Variants in PHF19 observed in about 807,000 individuals in gnomAD.
The protein encoded by PHF19 is PHD finger protein 19.
Under a neutral mutation model 79.8 loss-of-function variants are expected in PHF19, and 21 were observed. The observed-to-expected ratio is 0.26, with a 90% confidence interval of 0.19 to 0.38. The LOEUF (loss-of-function observed/expected upper bound fraction) is 0.38. Ranked by LOEUF, PHF19 falls within the 10% of genes least tolerant of loss-of-function variation. PHF19 has a pLI of 1.00. For missense variants in PHF19, 445 were observed against 744.2 expected (o/e 0.60, Z 4.68); for synonymous variants, 273 against 296.3 (o/e 0.92, Z 0.81).
chr9:120,861,223 T>A, intron 12 of PHF19, 49 bp from the exon 13 acceptor site: 1 of 1,066,554 alleles, frequency 9.4e-7, no homozygotes, highest in Non-Finnish European at 1.5e-6. Context: ...GAGTATCAAA[T>A]CCACCTCCCA....
chr9:120,902,980 G>C, the PHF19 span: 1 of 152,230 alleles, frequency 6.6e-6, no homozygotes, highest in African/African-American at 2.4e-5. Flanking sequence ...GCAATCAAAA[G>C]TGTAGAGTAA....
the PHF19 span, chr9:120,902,578 G>A: frequency 6.6e-6 from 1 of 151,742 alleles, no homozygotes; most frequent in African/African-American, 2.4e-5. Flanking sequence ...TGACCCTTCT[G>A]ACTCCCTCCC....
intron 10 of PHF19, 140 bp downstream of exon 10, chr9:120,863,909 G>T: frequency 1.3e-6 from 1 of 745,704 alleles, no homozygotes; most frequent in Non-Finnish European, 2.3e-6. Flanking sequence ...GTACCCCCTG[G>T]ATCTCGGAGA....
chr9:120,865,044 C>T (rs2045658495), intron 9 of PHF19, among the ~76,000 whole-genome samples: 1 of 152,092 alleles, frequency 6.6e-6, no homozygotes, highest in Non-Finnish European at 1.5e-5. Flanking sequence ...TTATCAAATA[C>T]TGTAAATGAA....
intron 1 of PHF19, among the ~76,000 whole-genome samples, chr9:120,892,976 G>A (rs912651072): frequency 3.3e-5 from 5 of 152,158 alleles, no homozygotes; most frequent in African/African-American, 7.2e-5. Context: ...ATTTCCTAGC[G>A]ACTGGGACCT....
Position 120,860,406 on chromosome 9 carries a change from G to T in PHF19, c.1305-221C>A. 1 of 527,366 alleles carries T rather than the reference G, an allele frequency of 1.9e-6. No individual in the cohort carries two copies. Among genetic ancestry groups the T allele is most frequent in the Non-Finnish European group, 3.5e-6 (1 of 289,696 alleles). The allele number at this position is 527,366 out of a possible 1,614,324, so 32.7% of individuals were successfully genotyped here. A position where few individuals can be genotyped will look rare whatever the true frequency, so the allele number is the denominator to read the frequency against. On this transcript the variant is annotated intron_variant, in intron 13 of 14. Coordinates refer to ENST00000373896, the MANE Select transcript of PHF19 (RefSeq NM_015651.3). The surrounding 1 kb of genome is among the most constrained non-coding windows in gnomAD (Gnocchi z 4.1). The stretch of plus-strand genomic sequence containing the variant: ...TGGAGCACCCTCCCCTGGCGGTGAC[G>T]TAAGCACTGGTGTCAATAACTCGAG...
At chr9:120,884,673 T>C (rs889523180) in intron 1 of PHF19, among the ~76,000 whole-genome samples, 8 of 150,746 alleles carry the variant, frequency 5.3e-5, no homozygotes, top group Non-Finnish European at 1.2e-4. Context: ...TTTGGGAGGC[T>C]GAGGTGGGCG....
chr9:120,882,945 G>A (rs2046209365), intron 1 of PHF19, among the ~76,000 whole-genome samples: 1 of 152,104 alleles, frequency 6.6e-6, no homozygotes, highest in Non-Finnish European at 1.5e-5. Context: ...TATTATGCAG[G>A]TGACCAGTTA....
chr9:120,876,678 A>AG lies in PHF19; in HGVS notation c.-16+412dup, dbSNP rs370341268. ...TGGCTTTTTAAAAAGGATGTTCAGGAGGGGGGAAAAAGCTTGCAGAAGCAC... is the reference window on the plus strand; with the variant it reads ...TGGCTTTTTAAAAAGGATGTTCAGGAGGGGGGGAAAAAGCTTGCAGAAGCAC... On this transcript the variant is annotated intron_variant, in intron 1 of 14. Transcript: ENST00000373896. 3.0e-3 allele frequency among the ~76,000 whole-genome samples: 456 copies of AG among 152,172 alleles called. 1 individual carries two copies. Among genetic ancestry groups the AG allele is most frequent in the Non-Finnish European group, 5.7e-3 (389 of 67,974 alleles).
chr9:120,903,856 C>T, the PHF19 span: 1 of 152,258 alleles, frequency 6.6e-6, no homozygotes, highest in African/African-American at 2.4e-5. Context: ...GCATGCCAGC[C>T]TCTGATGCCA....
upstream of PHF19, among the ~76,000 whole-genome samples, chr9:120,877,520 C>T (rs924898813): frequency 6.6e-6 from 1 of 151,610 alleles, no homozygotes; most frequent in Non-Finnish European, 1.5e-5. Flanking sequence ...GCGGCCACAC[C>T]GCGGCGCACA....
chr9:120,880,442 C>T (rs1346985410), upstream of PHF19, among the ~76,000 whole-genome samples: 5 of 152,152 alleles, frequency 3.3e-5, no homozygotes, highest in South Asian at 4.1e-4. Context: ...TTGCATTGAG[C>T]GAAATCGTGC....
chr9:120,897,389 G>A (rs1042275898), upstream of PHF19, among the ~76,000 whole-genome samples: 1 of 152,226 alleles, frequency 6.6e-6, no homozygotes, highest in Admixed American at 6.5e-5. Context: ...GTGAAGATAT[G>A]TGGGTGTGTA....
At chr9:120,887,965 C>G (rs184622358) in intron 1 of PHF19, among the ~76,000 whole-genome samples, 184 of 152,178 alleles carry the variant, frequency 1.2e-3, no homozygotes, top group Admixed American at 2.6e-3. Flanking sequence ...GACACGCGTG[C>G]ACGTCTCTTG....
At chr9:120,895,228 C>T (rs905821011), upstream of PHF19, among the ~76,000 whole-genome samples, 1 of 152,104 alleles carries the variant, frequency 6.6e-6, no homozygotes, top group African/African-American at 2.4e-5. Flanking sequence ...CTTAATGTAC[C>T]CTGGCCTCCC....
In PHF19 at chr9:120,866,232, G is replaced by A; in HGVS notation, c.711-136C>T. ...CTCCTAGGACTGCTGGCCACTGGGG[G>A]TCAAGGACAGGGCAGGACAGGGACT... On this transcript the variant is annotated intron_variant, in intron 7 of 14. Coordinates refer to ENST00000373896, the MANE Select transcript of PHF19 (RefSeq NM_015651.3). This position sits in a 1 kb window ranked among gnomAD's most constrained non-coding sequence, Gnocchi z 5.2. 1.4e-6 allele frequency: 1 copy of A among 712,116 alleles called. No homozygotes were observed. Among genetic ancestry groups the A allele is most frequent in the South Asian group, 1.5e-5 (1 of 66,316 alleles). The allele number at this position is 712,116 out of a possible 1,614,324, so 44.1% of individuals were successfully genotyped here.
In PHF19 at chr9:120,870,826, A is replaced by G. The variant is rs1332487930; in HGVS notation, c.269-288T>C. Reference sequence around the variant, plus strand: ...AAACCCTTTGTTCTTTTGACACATCATGCTGCCTCTCCCGCCTTATTTAAC... The same window carrying G: ...AAACCCTTTGTTCTTTTGACACATCGTGCTGCCTCTCCCGCCTTATTTAAC... On this transcript the variant is annotated intron_variant, in intron 3 of 14. Transcript: ENST00000373896. This position sits in a 1 kb window ranked among gnomAD's most constrained non-coding sequence, Gnocchi z 4.4. 1.3e-5 allele frequency among the ~76,000 whole-genome samples: 2 copies of G among 152,200 alleles called. No homozygotes were observed. Among genetic ancestry groups the G allele is most frequent in the South Asian group, 4.1e-4 (2 of 4,834 alleles).
intron 14 of PHF19, among the ~76,000 whole-genome samples, chr9:120,859,236 T>TC (rs1342828746): frequency 6.7e-6 from 1 of 149,340 alleles, no homozygotes; most frequent in Non-Finnish European, 1.5e-5. Flanking sequence ...TTGTCCTTTT[T>TC]TTTTTTTTTT....
upstream of PHF19, among the ~76,000 whole-genome samples, chr9:120,880,560 A>G (rs547685270): frequency 3.7e-4 from 56 of 152,360 alleles, no homozygotes; most frequent in African/African-American, 1.3e-3. Context: ...ATATACTGGG[A>G]GTAAAAATAA....
Sources: gnomAD v4.1 joint callset for allele counts (sites outside exome capture counted in the v4.1 genomes callset) on GRCh38, gnomAD v4.1.1 for gene constraint, Gnocchi (gnomAD v3.1) non-coding constraint, MANE v1.5 for transcripts, NCBI Gene and HGNC (gene_info 2026-07-23, HGNC 2026-07-21) for gene names.